The following FBLN1 variants were observed in gnomAD, a reference collection of about 807,000 sequenced individuals.
FBLN1 encodes fibulin-1.
A neutral mutation model predicts 89.7 loss-of-function variants in FBLN1; 34 were observed. The observed-to-expected ratio is 0.38, with a 90% CI of 0.29 to 0.50. The LOEUF (loss-of-function observed/expected upper bound fraction) is 0.50. Among genes scored for constraint, FBLN1 ranks in the 20% least tolerant of loss-of-function variants. The probability of loss-of-function intolerance (pLI) is 0.92; values close to 1 mark genes in which losing one functional copy is unlikely to be tolerated. For synonymous variants in FBLN1, 393 were observed against 391.3 expected, an observed-to-expected ratio of 1.00 and a Z score of -0.05; for missense variants, 777 against 988.1, an observed-to-expected ratio of 0.79 and a Z score of 2.86.
Position 45,518,741 on chromosome 22 carries a change from CAGA to C in FBLN1, c.142_144del (p.Lys48del), listed in dbSNP as rs775466355. 6.8e-6 allele frequency: 11 copies of C among 1,612,460 alleles called. No individual in the cohort carries two copies. In the East Asian group the frequency reaches 1.8e-4, roughly 26 times the overall value. On this transcript the variant is annotated inframe_deletion, in exon 2 of 17. Coordinates refer to ENST00000327858, the MANE Select transcript of FBLN1 (RefSeq NM_006486.3). ...GGACGGACACCGGATGGCCACTCAT[CAGA>C]AGGACTGCTCGCTGCCATATGCTAC...
intron 14 of FBLN1, among the ~76,000 whole-genome samples, chr22:45,573,784 G>A (rs1450832556): frequency 6.6e-6 from 1 of 152,080 alleles, no homozygotes; most frequent in African/African-American, 2.4e-5. Context: ...TGGCAGTTGC[G>A]GGGCGTTTGG....
intron 10 of FBLN1, among the ~76,000 whole-genome samples, chr22:45,543,117 AT>A (rs1013293741): frequency 2.0e-5 from 3 of 152,196 alleles, no homozygotes; most frequent in African/African-American, 7.2e-5. Flanking sequence ...AAATACAAAA[AT>A]TAGCCGGGCG....
chr22:45,527,962 A>G lies in FBLN1; in HGVS notation c.437A>G (p.Lys146Arg), dbSNP rs2088352681. Residue 146 changes from lysine (K) to arginine (R), a missense_variant, in exon 4 of 17, where the codon AAG becomes AGG. Physicochemically the swap from Lys to Arg is conservative, Grantham distance 26 (BLOSUM62 2). Transcript: ENST00000327858. ...CAGGTCTTCCAGGCATGCTGTGTCA[A>G]GAGCCAGGAGACCGGAGATTTGGAT... ...CGQVFQACCV[K>R]SQETGDLDVG... The G allele has an allele frequency of 1.2e-6, 2 of 1,614,128 alleles. No homozygotes were observed. The highest frequency in any genetic ancestry group is 1.3e-5 in the African/African-American group (1 of 74,962).
At chr22:45,529,355 G>A (rs192140131) in intron 4 of FBLN1, among the ~76,000 whole-genome samples, 115 of 152,348 alleles carry the variant, frequency 7.5e-4, no homozygotes, top group Middle Eastern at 3.4e-3. Context: ...GTGCCCCCCC[G>A]TTCTGTGTCC....
At chr22:45,513,533 T>C (rs2088129636) in intron 1 of FBLN1, among the ~76,000 whole-genome samples, 1 of 151,878 alleles carries the variant, frequency 6.6e-6, no homozygotes, top group Admixed American at 6.6e-5. Context: ...CATTTCTAAG[T>C]GTATGGTCCA....
intron 3 of FBLN1, 23 bp from the exon 4 acceptor site, chr22:45,527,824 G>A: frequency 6.2e-7 from 1 of 1,613,086 alleles, no homozygotes; most frequent in Non-Finnish European, 8.5e-7. Flanking sequence ...TCCTCCATCT[G>A]GGATCTCCAC....
At chr22:45,526,472 G>A (rs547395196) in intron 3 of FBLN1, among the ~76,000 whole-genome samples, 1 of 152,370 alleles carries the variant, frequency 6.6e-6, no homozygotes, top group African/African-American at 2.4e-5. Flanking sequence ...CTTGGGCCTG[G>A]AGGAGCTCGG....
chr22:45,523,144 G>T, intron 2 of FBLN1: 1 of 779,096 alleles, frequency 1.3e-6, no homozygotes, highest in Non-Finnish European at 2.4e-6. Context: ...TGGGCAGTAT[G>T]GAAAGTGGGA....
chr22:45,510,803 C>A (rs17560713), intron 1 of FBLN1, among the ~76,000 whole-genome samples: 9,781 of 152,218 alleles, frequency 0.064, 379 homozygotes, highest in Non-Finnish European at 0.077. Flanking sequence ...TGCCGCTGAT[C>A]TACACCATAA....
chr22:45,590,861 G>A lies in FBLN1; in HGVS notation c.1973-9446G>A, dbSNP rs1294073530. Among the ~76,000 whole-genome samples the A allele has an allele frequency of 2.0e-5, 3 of 152,032 alleles. No homozygotes were observed. The highest frequency in any genetic ancestry group is 7.2e-5 in the African/African-American group (3 of 41,394). On this transcript the variant is annotated intron_variant, in intron 16 of 16. Transcript: ENST00000327858. This position sits in a 1 kb window ranked among gnomAD's most constrained non-coding sequence, Gnocchi z 4.1. ...AAGGGAGGAGGGTAGGTCAGTGTTT[G>A]GCGTGCTTGGATTTGAATTGTCCAT...
Position 45,530,885 on chromosome 22 carries a change from TC to T in FBLN1, c.485-378del, listed in dbSNP as rs1388075438. On this transcript the variant is annotated intron_variant, in intron 4 of 16. Coordinates refer to ENST00000327858, the MANE Select transcript of FBLN1 (RefSeq NM_006486.3). This position sits in a 1 kb window ranked among gnomAD's most constrained non-coding sequence, Gnocchi z 5.4. The stretch of plus-strand genomic sequence containing the variant: ...TTCAAGCGATTATCCTGCCTCAACT[TC>T]CTGAGTACCTGAGATTACAGGTGCA... Among the ~76,000 whole-genome samples the T allele has an allele frequency of 6.6e-6, 1 of 152,122 alleles. No individual in the cohort carries two copies. The highest frequency in any genetic ancestry group is 1.5e-5 in the Non-Finnish European group (1 of 68,022).
chr22:45,530,533 T>A lies in FBLN1; in HGVS notation c.485-732T>A, dbSNP rs560336149. On this transcript the variant is annotated intron_variant, in intron 4 of 16. Transcript: ENST00000327858. The surrounding 1 kb of genome is among the most constrained non-coding windows in gnomAD (Gnocchi z 5.4). Reference sequence around the variant, plus strand: ...CCAGTGCTGGCCTGCGACAAATAAGTACAGAAATGGAGAATAACCCTTTTC... The same window carrying A: ...CCAGTGCTGGCCTGCGACAAATAAGAACAGAAATGGAGAATAACCCTTTTC... 6.6e-6 allele frequency among the ~76,000 whole-genome samples: 1 copy of A among 152,080 alleles called. No homozygotes were observed. Among genetic ancestry groups the A allele is most frequent in the Non-Finnish European group, 1.5e-5 (1 of 68,030 alleles).
At chr22:45,598,287 T>A (rs3788672) in intron 16 of FBLN1, among the ~76,000 whole-genome samples, 44,484 of 152,172 alleles carry the variant, frequency 0.29, 9,477 homozygotes, top group African/African-American at 0.6. Context: ...ACTTTCAGTG[T>A]TGCCACGTGG....
intron 1 of FBLN1, among the ~76,000 whole-genome samples, chr22:45,517,933 C>A (rs1206752136): frequency 6.6e-6 from 1 of 152,046 alleles, no homozygotes; most frequent in Non-Finnish European, 1.5e-5. Flanking sequence ...GAGTTCCAGA[C>A]CAGCCTAGCC....
At chr22:45,528,805 C>T (rs549639061) in intron 4 of FBLN1, among the ~76,000 whole-genome samples, 7 of 152,292 alleles carry the variant, frequency 4.6e-5, no homozygotes, top group East Asian at 3.9e-4. Flanking sequence ...GGACTAACTC[C>T]GGTTGTCGGA....
intron 12 of FBLN1, among the ~76,000 whole-genome samples, chr22:45,547,453 T>C (rs562551867): frequency 7.0e-6 from 1 of 142,460 alleles, no homozygotes; most frequent in East Asian, 2.1e-4. Context: ...TGGAGTGATA[T>C]GGTGCAATCA....
At position 45,537,630 on chromosome 22, in the gene FBLN1, A is replaced by G. The variant is rs938355901; in HGVS notation, c.922+2293A>G. On this transcript the variant is annotated intron_variant, in intron 8 of 16. Coordinates refer to ENST00000327858, the MANE Select transcript of FBLN1 (RefSeq NM_006486.3). This position sits in a 1 kb window ranked among gnomAD's most constrained non-coding sequence, Gnocchi z 5.7. Reference sequence around the variant, plus strand: ...GCAAGACTCTGTGTCAAAAAAAAAAAAAAAGATAAAAAGACAAGTGGAACA... The same window carrying G: ...GCAAGACTCTGTGTCAAAAAAAAAAGAAAAGATAAAAAGACAAGTGGAACA... 5.3e-5 allele frequency among the ~76,000 whole-genome samples: 8 copies of G among 151,970 alleles called. No homozygotes were observed. The highest frequency in any genetic ancestry group is 1.2e-4 in the Non-Finnish European group (8 of 67,962).
intron 2 of FBLN1, chr22:45,523,132 C>T (rs781496651): frequency 1.2e-5 from 9 of 778,062 alleles, no homozygotes; most frequent in South Asian, 9.4e-5. Flanking sequence ...CTGAATGGGG[C>T]GTGGGCAGTA....
At chr22:45,516,567 A>G (rs2088172259) in intron 1 of FBLN1, among the ~76,000 whole-genome samples, 1 of 152,100 alleles carries the variant, frequency 6.6e-6, no homozygotes, top group African/African-American at 2.4e-5. Context: ...CTGGGAGGCA[A>G]CTCCAGACAA....
Sources: gnomAD v4.1 joint callset for allele counts (sites outside exome capture counted in the v4.1 genomes callset) on GRCh38, gnomAD v4.1.1 for gene constraint, Gnocchi (gnomAD v3.1) non-coding constraint, MANE v1.5 for transcripts, NCBI Gene and HGNC (gene_info 2026-07-23, HGNC 2026-07-21) for gene names.